NDST4: variants seen among roughly 807,000 people sequenced by gnomAD.
NDST4 encodes the protein N-deacetylase and N-sulfotransferase 4.
NDST4 carries 63 observed loss-of-function variants against 100.8 expected under a neutral mutation model. That is an observed-to-expected ratio of 0.62 (90% CI 0.51 to 0.77). NDST4 has a LOEUF of 0.77. Among genes scored for constraint, NDST4 ranks in the 30% least tolerant of loss-of-function variants. The pLI is 0.00. For missense variants in NDST4, 943 were observed against 1,018.4 expected, an observed-to-expected ratio of 0.93 and a Z score of 1.01; for synonymous variants, 377 against 361.8, an observed-to-expected ratio of 1.04 and a Z score of -0.48.
At chr4:115,087,576 A>G (rs1193222726) in intron 1 of NDST4, among the ~76,000 whole-genome samples, 2 of 151,884 alleles carry the variant, frequency 1.3e-5, no homozygotes, top group Non-Finnish European at 2.9e-5. Context: ...AATGGAGTTC[A>G]TGTGAAAAGT....
At chr4:115,012,337 T>A (rs1265162962) in intron 2 of NDST4, among the ~76,000 whole-genome samples, 1 of 151,986 alleles carries the variant, frequency 6.6e-6, no homozygotes, top group African/African-American at 2.4e-5. Context: ...GGTTATCTGA[T>A]GGGAAATTGA....
At chr4:114,906,604 A>G (rs1724953526) in intron 6 of NDST4, among the ~76,000 whole-genome samples, 1 of 152,028 alleles carries the variant, frequency 6.6e-6, no homozygotes, top group Non-Finnish European at 1.5e-5. Context: ...TTTATTGAAG[A>G]ACGATAAAAC....
chr4:114,843,470 A>C (rs1279711828), intron 10 of NDST4, among the ~76,000 whole-genome samples: 1 of 152,208 alleles, frequency 6.6e-6, no homozygotes, highest in Non-Finnish European at 1.5e-5. Flanking sequence ...GTAATAAACC[A>C]GTGTCCTGTT....
At chr4:114,864,746 G>A (rs1723988945) in intron 7 of NDST4, among the ~76,000 whole-genome samples, 1 of 152,158 alleles carries the variant, frequency 6.6e-6, no homozygotes, top group African/African-American at 2.4e-5. Flanking sequence ...CAGAACTCCT[G>A]TAGCACTTAA....
At chr4:115,011,389 C>T (rs1056707047) in intron 2 of NDST4, among the ~76,000 whole-genome samples, 1 of 151,848 alleles carries the variant, frequency 6.6e-6, no homozygotes, top group Non-Finnish European at 1.5e-5. Flanking sequence ...ATTTCTTAAC[C>T]TTTCTTTATA....
intron 7 of NDST4, among the ~76,000 whole-genome samples, chr4:114,858,111 C>A (rs1038393618): frequency 6.6e-6 from 1 of 152,172 alleles, no homozygotes; most frequent in Admixed American, 6.5e-5. Context: ...CCTCTTTCCC[C>A]TATGTCTTCT....
At chr4:114,984,300 TCCTGAGTAGATGGGACTACAGG>T (rs1355475384) in intron 2 of NDST4, among the ~76,000 whole-genome samples, 3 of 152,168 alleles carry the variant, frequency 2.0e-5, no homozygotes, top group Non-Finnish European at 4.4e-5. Flanking sequence ...TGCCTCAGCC[TCCTGAGTAGATGGGACTACAGG>T]CACCCACCAC....
At chr4:114,963,913 C>T (rs1342150330) in intron 4 of NDST4, among the ~76,000 whole-genome samples, 1 of 152,154 alleles carries the variant, frequency 6.6e-6, no homozygotes, top group African/African-American at 2.4e-5. Context: ...TCTATAATGT[C>T]TTCCAACTAG....
chr4:114,881,813 T>C (rs1446331608), intron 6 of NDST4, among the ~76,000 whole-genome samples: 15 of 152,164 alleles, frequency 9.9e-5, no homozygotes, highest in Non-Finnish European at 1.5e-4. Context: ...TTCAATCTTC[T>C]AAAATAGATT....
At chr4:114,838,972 T>C (rs1723367511) in intron 11 of NDST4, among the ~76,000 whole-genome samples, 5 of 152,142 alleles carry the variant, frequency 3.3e-5, no homozygotes, top group Admixed American at 3.3e-4. Context: ...ACAAACAACA[T>C]GCAGGTATCT....
chr4:114,878,596 G>A (rs1724304882), intron 6 of NDST4, among the ~76,000 whole-genome samples: 1 of 152,060 alleles, frequency 6.6e-6, no homozygotes, highest in Admixed American at 6.6e-5. Context: ...GAATGCCTAC[G>A]CTTGAGCACT....
At chr4:114,924,951 C>A (rs1195899947) in intron 6 of NDST4, among the ~76,000 whole-genome samples, 1 of 151,810 alleles carries the variant, frequency 6.6e-6, no homozygotes, top group African/African-American at 2.4e-5. Flanking sequence ...ATCATATGCA[C>A]CACCCAAATA....
intron 2 of NDST4, among the ~76,000 whole-genome samples, chr4:115,065,463 C>G (rs1399067450): frequency 6.6e-6 from 1 of 152,090 alleles, no homozygotes; most frequent in African/African-American, 2.4e-5. Flanking sequence ...ATATATTAGA[C>G]AACTATCTTA....
At chr4:114,994,262 G>A (rs1362951426) in intron 2 of NDST4, among the ~76,000 whole-genome samples, 2 of 151,884 alleles carry the variant, frequency 1.3e-5, no homozygotes, top group Non-Finnish European at 2.9e-5. Flanking sequence ...TGTTCCATAT[G>A]ACTTAACACC....
chr4:115,063,375 C>T (rs1488069655), intron 2 of NDST4, among the ~76,000 whole-genome samples: 1 of 151,920 alleles, frequency 6.6e-6, no homozygotes, highest in Non-Finnish European at 1.5e-5. Flanking sequence ...ACTACTTTAA[C>T]AGCTTAAACT....
chr4:114,968,299 A>G (rs1726429876), intron 4 of NDST4, among the ~76,000 whole-genome samples: 1 of 152,186 alleles, frequency 6.6e-6, no homozygotes. Flanking sequence ...ATGAATCACA[A>G]CAGTTTAAGT....
chr4:115,008,926 T>C (rs1240162420), intron 2 of NDST4, among the ~76,000 whole-genome samples: 1 of 128,066 alleles, frequency 7.8e-6, no homozygotes, highest in African/African-American at 3.0e-5. Flanking sequence ...AGTGAACTCC[T>C]ATTCACAATT....
Position 114,986,089 on chromosome 4 carries a change from A to T in NDST4, c.979-8815T>A, listed in dbSNP as rs187563799. On this transcript the variant is annotated intron_variant, in intron 2 of 13. Transcript: ENST00000264363. ...TTAGGAGTATTTTTTGAATACTGGA[A>T]GTTTAAACGTTGATACTGATTAAAC... Among the ~76,000 whole-genome samples, 26 of 152,350 alleles carry T rather than the reference A, an allele frequency of 1.7e-4. No homozygotes were observed. The South Asian group carries it at 3.3e-3, about 19-fold the overall frequency.
chr4:114,867,665 C>CAAAAAAAAAAAAAAAAAA, intron 7 of NDST4, among the ~76,000 whole-genome samples: 10 of 79,890 alleles, frequency 1.3e-4, no homozygotes, highest in Non-Finnish European at 1.6e-4. Flanking sequence ...AAAAAAAAAG[C>CAAAAAAAAAAAAAAAAAA]AAAAAAAAAA....
Sources: gnomAD v4.1 joint callset for allele counts (sites outside exome capture counted in the v4.1 genomes callset) on GRCh38, gnomAD v4.1.1 for gene constraint, MANE v1.5 for transcripts, NCBI Gene and HGNC (gene_info 2026-07-23, HGNC 2026-07-21) for gene names.